Variants in PRICKLE2 observed in about 807,000 individuals in gnomAD.
The protein encoded by PRICKLE2 is prickle planar cell polarity protein 2.
Under a neutral mutation model 81.4 loss-of-function variants are expected in PRICKLE2, and 21 were observed. The ratio of observed to expected loss-of-function variants is 0.26; its 90% CI spans 0.18 to 0.37. The LOEUF (loss-of-function observed/expected upper bound fraction) is 0.37, where lower values mean the gene tolerates loss of function less well. Ranked by LOEUF, PRICKLE2 falls within the 10% of genes least tolerant of loss-of-function variation. The probability of loss-of-function intolerance (pLI) is 1.00; values close to 1 mark genes in which losing one functional copy is unlikely to be tolerated. For synonymous variants in PRICKLE2, 456 were observed against 421.5 expected (o/e 1.08, Z -1.00); for missense variants, 940 against 1,109.0 (o/e 0.85, Z 2.16).
Position 64,244,528 on chromosome 3 carries a change from T to G in PRICKLE2, c.129-45561A>C, listed in dbSNP as rs1392140487. Among the ~76,000 whole-genome samples, 4 of 151,286 alleles carry G rather than the reference T, an allele frequency of 2.6e-5. No homozygotes were observed. The East Asian group carries it at 7.7e-4, about 29-fold the overall frequency. Reference sequence around the variant, plus strand: ...GATTTAGTGAACATATGCTAGACATTCTGATGTTGGCCACTAGGTGATGAT... The same window carrying G: ...GATTTAGTGAACATATGCTAGACATGCTGATGTTGGCCACTAGGTGATGAT... On this transcript the variant is annotated intron_variant, in intron 2 of 8. Coordinates refer to the PRICKLE2 transcript ENST00000295902.
chr3:64,267,341 T>C (rs1160009263), intron 2 of PRICKLE2, among the ~76,000 whole-genome samples: 2 of 150,966 alleles, frequency 1.3e-5, no homozygotes, highest in Non-Finnish European at 3.0e-5. Context: ...ATTACCGAAG[T>C]CCACCAAGAA....
intron 7 of PRICKLE2, among the ~76,000 whole-genome samples, chr3:64,112,335 A>G (rs1035055399): frequency 2.6e-5 from 4 of 152,164 alleles, no homozygotes; most frequent in Non-Finnish European, 5.9e-5. Flanking sequence ...AATACAATGT[A>G]CTCCTTTAGG....
chr3:64,092,576 T>C lies in PRICKLE2; in HGVS notation c.*6475A>G, dbSNP rs189888750. The stretch of plus-strand genomic sequence containing the variant: ...CAGACACGGGGAAATTGAATTTACA[T>C]GCTGCCTTGGTCCTGGCTCCCAGTC... On this transcript the variant is annotated 3_prime_UTR_variant, in exon 8 of 8. Transcript: ENST00000638394. The C allele has an allele frequency of 2.0e-5, 3 of 152,386 alleles. No individual in the cohort carries two copies. The highest frequency in any genetic ancestry group is 2.0e-4 in the Admixed American group (3 of 15,312). The allele number at this position is 152,386 out of a possible 1,614,324, so 9.4% of individuals were successfully genotyped here. A position where few individuals can be genotyped will look rare whatever the true frequency, so the allele number is the denominator to read the frequency against.
intron 2 of PRICKLE2, among the ~76,000 whole-genome samples, chr3:64,230,636 T>A (rs940471248): frequency 2.0e-5 from 3 of 152,190 alleles, no homozygotes; most frequent in African/African-American, 7.2e-5. Flanking sequence ...GGGCAGAGTA[T>A]TGTCATTGAA....
intron 1 of PRICKLE2, among the ~76,000 whole-genome samples, chr3:64,205,206 A>G (rs2078662856): frequency 6.6e-6 from 1 of 152,008 alleles, no homozygotes; most frequent in African/African-American, 2.4e-5. Flanking sequence ...TCTGAGGAAT[A>G]AGGCATGATT....
intron 7 of PRICKLE2, among the ~76,000 whole-genome samples, chr3:64,139,257 C>G (rs1055216648): frequency 1.3e-5 from 2 of 152,224 alleles, no homozygotes; most frequent in East Asian, 1.9e-4. Flanking sequence ...GATTCCTGCT[C>G]CGTGTCTCCA....
intron 7 of PRICKLE2, among the ~76,000 whole-genome samples, chr3:64,131,201 G>A (rs144921069): frequency 1.1e-4 from 17 of 152,328 alleles, no homozygotes; most frequent in Admixed American, 5.9e-4. Context: ...CGATAAGACC[G>A]TAGGAGGACA....
At chr3:64,216,428 C>T (rs1049366586) in intron 1 of PRICKLE2, among the ~76,000 whole-genome samples, 2 of 152,146 alleles carry the variant, frequency 1.3e-5, no homozygotes, top group African/African-American at 2.4e-5. Context: ...TGCAAAAGAC[C>T]GGCTGTGATA....
At chr3:64,260,572 C>A (rs1290333598) in intron 2 of PRICKLE2, among the ~76,000 whole-genome samples, 1 of 152,186 alleles carries the variant, frequency 6.6e-6, no homozygotes, top group Admixed American at 6.5e-5. Flanking sequence ...ACTCAATGAA[C>A]AGTCCAAATA....
At position 64,248,068 on chromosome 3, in the gene PRICKLE2, A is replaced by G. The variant is rs150832; in HGVS notation, c.129-49101T>C. Among the ~76,000 whole-genome samples, 1,062 of 152,338 alleles carry G rather than the reference A, an allele frequency of 7.0e-3. 23 individuals carry two copies. The highest frequency in any genetic ancestry group is 0.023 in the African/African-American group (970 of 41,566). On this transcript the variant is annotated intron_variant, in intron 2 of 8. Transcript: ENST00000295902. ...TATGTAACTGAAACTTCACTCACTG[A>G]AAATTTTTGCAGGAGTAAGTTGAAC...
In PRICKLE2 at chr3:64,216,988, C is replaced by T. The variant is rs114748868; in HGVS notation, c.-41+7922G>A. Among the ~76,000 whole-genome samples, 487 of 152,214 alleles carry T rather than the reference C, an allele frequency of 3.2e-3. 1 individual carries two copies. The highest frequency in any genetic ancestry group is 5.7e-3 in the Non-Finnish European group (388 of 68,002). On this transcript the variant is annotated intron_variant, in intron 1 of 7. Transcript: ENST00000638394. ...AAAAGCAAGTAATAGACTCAGGCAG[C>T]GATTTAAATGAAGTTCTGACTCTTG...
At chr3:64,221,339 A>T (rs1467710673) in intron 1 of PRICKLE2, among the ~76,000 whole-genome samples, 1 of 151,830 alleles carries the variant, frequency 6.6e-6, no homozygotes. Context: ...CTCAGACAAT[A>T]GGCCAAAGAA....
intron 7 of PRICKLE2, among the ~76,000 whole-genome samples, chr3:64,128,941 G>A (rs1249942545): frequency 2.6e-5 from 4 of 151,604 alleles, no homozygotes; most frequent in Non-Finnish European, 5.9e-5. Flanking sequence ...CTTCGACACT[G>A]TTGATATTTG....
At chr3:64,159,244 G>A (rs2077690441) in intron 4 of PRICKLE2, among the ~76,000 whole-genome samples, 2 of 152,108 alleles carry the variant, frequency 1.3e-5, no homozygotes, top group African/African-American at 4.8e-5. Flanking sequence ...TGACTCGGAA[G>A]GGCTTCATGC....
chr3:64,221,588 C>A (rs548048872), intron 1 of PRICKLE2, among the ~76,000 whole-genome samples: 2 of 152,272 alleles, frequency 1.3e-5, no homozygotes, highest in East Asian at 3.9e-4. Flanking sequence ...CATCCTCAAG[C>A]TTCTTAGTTT....
chr3:64,194,684 A>C (rs141520346), intron 2 of PRICKLE2, among the ~76,000 whole-genome samples: 2 of 152,162 alleles, frequency 1.3e-5, no homozygotes, highest in Admixed American at 1.3e-4. Context: ...ATCTACTGTA[A>C]ATGTATCATC....
At chr3:64,201,121 G>A (rs1359630232) in intron 1 of PRICKLE2, among the ~76,000 whole-genome samples, 4 of 151,372 alleles carry the variant, frequency 2.6e-5, no homozygotes, top group Non-Finnish European at 5.9e-5. Flanking sequence ...AGTAGAGACC[G>A]GGTTTCACCA....
intron 2 of PRICKLE2, among the ~76,000 whole-genome samples, chr3:64,180,552 T>A (rs1449681557): frequency 6.6e-6 from 1 of 151,564 alleles, no homozygotes; most frequent in Admixed American, 6.6e-5. Flanking sequence ...TTTTTTTTTT[T>A]AATAAAGTCT....
chr3:64,175,995 C>A (rs1051272927), intron 2 of PRICKLE2, among the ~76,000 whole-genome samples: 1 of 152,190 alleles, frequency 6.6e-6, no homozygotes, highest in African/African-American at 2.4e-5. Flanking sequence ...ACCCATCATC[C>A]ATGTGTTAGT....
Sources: gnomAD v4.1 joint callset for allele counts (sites outside exome capture counted in the v4.1 genomes callset) on GRCh38, gnomAD v4.1.1 for gene constraint, MANE v1.5 for transcripts, NCBI Gene and HGNC (gene_info 2026-07-23, HGNC 2026-07-21) for gene names.